The following L3MBTL4 variants were observed in gnomAD, a reference collection of about 807,000 sequenced individuals.
L3MBTL4 encodes L3MBTL histone methyl-lysine binding protein 4, also known as lethal(3)malignant brain tumor-like protein 4.
A neutral mutation model predicts 84.5 loss-of-function variants in L3MBTL4; 70 were observed. The ratio of observed to expected loss-of-function variants is 0.83; its 90% CI spans 0.68 to 1.01. L3MBTL4 has a LOEUF of 1.01. Ranked by LOEUF, L3MBTL4 falls within the 50% of genes least tolerant of loss-of-function variation. L3MBTL4 has a pLI of 0.00. For missense variants in L3MBTL4, 715 were observed against 754.8 expected (o/e 0.95, Z 0.62); for synonymous variants, 274 against 259.8 (o/e 1.05, Z -0.52).
At chr18:6,319,163 C>T (rs2051274590) in intron 1 of L3MBTL4, among the ~76,000 whole-genome samples, 1 of 151,866 alleles carries the variant, frequency 6.6e-6, no homozygotes, top group Non-Finnish European at 1.5e-5. Flanking sequence ...ATGTTAATGC[C>T]CATAAGAAAG....
chr18:6,234,332 A>G lies in L3MBTL4; in HGVS notation c.784+3632T>C, dbSNP rs187951188. 1.5e-3 allele frequency among the ~76,000 whole-genome samples: 232 copies of G among 152,332 alleles called. 1 individual carries two copies. The Middle Eastern group carries it at 0.027, about 18-fold the overall frequency. On this transcript the variant is annotated intron_variant, in intron 10 of 18. Coordinates refer to ENST00000317931, the MANE Select transcript of L3MBTL4 (RefSeq NM_001330559.2). ...TTGACAAATGGGATTTAATTAAACTAAAGAGCTTCTGCACAGCAAAAGTAA... is the reference window on the plus strand; with the variant it reads ...TTGACAAATGGGATTTAATTAAACTGAAGAGCTTCTGCACAGCAAAAGTAA...
At chr18:6,088,633 A>G (rs574905119) in intron 15 of L3MBTL4, among the ~76,000 whole-genome samples, 101 of 152,260 alleles carry the variant, frequency 6.6e-4, no homozygotes, top group Non-Finnish European at 1.2e-3. Context: ...GAGGAGTGAG[A>G]AAGTGAAAGT....
At chr18:6,334,697 A>G (rs2052237233) in intron 1 of L3MBTL4, among the ~76,000 whole-genome samples, 1 of 152,164 alleles carries the variant, frequency 6.6e-6, no homozygotes, top group Non-Finnish European at 1.5e-5. Flanking sequence ...TTTTACAGGA[A>G]TGTCATACAT....
At chr18:6,099,608 G>GGA (rs1296734682) in intron 14 of L3MBTL4, among the ~76,000 whole-genome samples, 2 of 34,458 alleles carry the variant, frequency 5.8e-5, no homozygotes, top group Non-Finnish European at 9.6e-5. Context: ...ATATATATAT[G>GGA]GAGAGAGAGA....
At chr18:5,984,585 T>C (rs955985019) in intron 16 of L3MBTL4, among the ~76,000 whole-genome samples, 5 of 152,218 alleles carry the variant, frequency 3.3e-5, no homozygotes, top group African/African-American at 1.2e-4. Flanking sequence ...GGGGGGAAGC[T>C]TTTTAAAATA....
At chr18:6,280,658 T>A (rs894177093) in intron 4 of L3MBTL4, among the ~76,000 whole-genome samples, 6 of 152,248 alleles carry the variant, frequency 3.9e-5, no homozygotes, top group Admixed American at 6.5e-5. Flanking sequence ...AAAATAATTT[T>A]GCAGAGGTGG....
intron 13 of L3MBTL4, among the ~76,000 whole-genome samples, chr18:6,144,783 G>C (rs1283495176): frequency 6.6e-6 from 1 of 152,188 alleles, no homozygotes; most frequent in Non-Finnish European, 1.5e-5. Context: ...GGGCGAAGAT[G>C]AGACTGGTGC....
At chr18:6,006,707 G>T (rs563015064) in intron 16 of L3MBTL4, among the ~76,000 whole-genome samples, 125 of 152,106 alleles carry the variant, frequency 8.2e-4, no homozygotes, top group Non-Finnish European at 1.6e-3. Flanking sequence ...AGATATTAAA[G>T]CATGTTAAGA....
chr18:6,398,449 C>T (rs2055367197), intron 1 of L3MBTL4, among the ~76,000 whole-genome samples: 1 of 152,178 alleles, frequency 6.6e-6, no homozygotes, highest in Non-Finnish European at 1.5e-5. Flanking sequence ...AAAATGCCAA[C>T]AGCAAGGACA....
chr18:6,383,443 G>C (rs2054683304), intron 1 of L3MBTL4, among the ~76,000 whole-genome samples: 1 of 152,124 alleles, frequency 6.6e-6, no homozygotes, highest in South Asian at 2.1e-4. Context: ...TGGTGGGGTA[G>C]GCACCAGAGG....
intron 1 of L3MBTL4, among the ~76,000 whole-genome samples, chr18:6,411,873 T>C (rs541009850): frequency 6.6e-6 from 1 of 152,350 alleles, no homozygotes; most frequent in East Asian, 1.9e-4. Flanking sequence ...AATGATATGT[T>C]TAGTTTTTCA....
chr18:6,012,970 A>C lies in L3MBTL4; in HGVS notation c.1445-43408T>G, dbSNP rs74253882. ...CTGCTTCTCCCATTTTTCTTCTCCA[A>C]GGGGCAGCCAGAGGTCCCCATCGCA... On this transcript the variant is annotated intron_variant, in intron 16 of 18. Transcript: ENST00000317931. Among the ~76,000 whole-genome samples the C allele has an allele frequency of 2.0e-5, 3 of 151,972 alleles. No homozygotes were observed. The East Asian group carries it at 5.8e-4, about 29-fold the overall frequency.
chr18:6,158,947 A>C, intron 13 of L3MBTL4, among the ~76,000 whole-genome samples: 1 of 152,182 alleles, frequency 6.6e-6, no homozygotes. Flanking sequence ...CCTTGGAGGA[A>C]GGATCTTGAG....
At chr18:6,094,245 C>T (rs1425379498) in intron 14 of L3MBTL4, among the ~76,000 whole-genome samples, 1 of 152,188 alleles carries the variant, frequency 6.6e-6, no homozygotes, top group Non-Finnish European at 1.5e-5. Context: ...GATCCCTGTG[C>T]CCACGTCCCT....
intron 5 of L3MBTL4, chr18:6,259,982 G>A (rs1418774617): frequency 6.6e-6 from 1 of 152,062 alleles, no homozygotes; most frequent in Non-Finnish European, 1.5e-5. Flanking sequence ...AAAGGTAGGG[G>A]GTCTAGTTTT....
intron 16 of L3MBTL4, among the ~76,000 whole-genome samples, chr18:6,071,761 A>AAAAGAAAGAAAGAAAGAAAAAAAGAAAG (rs2057639241): frequency 1.1e-5 from 1 of 92,156 alleles, no homozygotes; most frequent in Admixed American, 1.3e-4. Flanking sequence ...AAGAAAGAAA[A>AAAAGAAAGAAAGAAAGAAAAAAAGAAAG]AAAGAAAGAA....
intron 1 of L3MBTL4, among the ~76,000 whole-genome samples, chr18:6,321,578 G>A (rs1282462981): frequency 6.6e-6 from 1 of 152,046 alleles, no homozygotes; most frequent in African/African-American, 2.4e-5. Flanking sequence ...AGGAAAAGAA[G>A]TCATATCAAA....
At chr18:6,251,825 C>T (rs2047935232) in intron 5 of L3MBTL4, among the ~76,000 whole-genome samples, 1 of 152,090 alleles carries the variant, frequency 6.6e-6, no homozygotes, top group Non-Finnish European at 1.5e-5. Context: ...AAAAGGCATT[C>T]CTAAATGTGG....
chr18:6,062,517 T>C (rs1263929739), intron 16 of L3MBTL4, among the ~76,000 whole-genome samples: 2 of 152,014 alleles, frequency 1.3e-5, no homozygotes, highest in African/African-American at 4.8e-5. Context: ...TTTTAGTGTC[T>C]GCCATTAATT....
Sources: gnomAD v4.1 joint callset for allele counts (sites outside exome capture counted in the v4.1 genomes callset) on GRCh38, gnomAD v4.1.1 for gene constraint, MANE v1.5 for transcripts, NCBI Gene and HGNC (gene_info 2026-07-23, HGNC 2026-07-21) for gene names.